Variants in SLC38A11 observed in about 807,000 individuals in gnomAD.
SLC38A11 encodes solute carrier family 38 member 11.
SLC38A11 carries 51 observed loss-of-function variants against 49.4 expected under a neutral mutation model. The observed-to-expected ratio is 1.03, with a 90% CI of 0.83 to 1.30. The LOEUF (loss-of-function observed/expected upper bound fraction) is 1.30, where lower values mean the gene tolerates loss of function less well. SLC38A11 is among the 50% of genes most tolerant of loss of function. The pLI is 0.00. For missense variants in SLC38A11, 574 were observed against 556.2 expected, an observed-to-expected ratio of 1.03 and a Z score of -0.32; for synonymous variants, 203 against 192.9, an observed-to-expected ratio of 1.05 and a Z score of -0.43.
chr2:164,931,442 C>CA (rs879622062), intron 7 of SLC38A11, among the ~76,000 whole-genome samples: 10 of 151,288 alleles, frequency 6.6e-5, no homozygotes, highest in Admixed American at 2.0e-4. Context: ...CACATGGGAC[C>CA]AAAAAAAAGC....
Position 164,955,333 on chromosome 2 carries a change from A to G in SLC38A11, c.-86T>C. ...GCCAGCCTCCTCCGCCACCTCGCAC[A>G]CAGCCGAGGTCCGCGTGTAGCCGCA... On this transcript the variant is annotated 5_prime_UTR_variant, in exon 1 of 12. Transcript: ENST00000685975. 1 of 1,294,900 alleles carries G rather than the reference A, an allele frequency of 7.7e-7. No homozygotes were observed. The highest frequency in any genetic ancestry group is 2.0e-5 in the Admixed American group (1 of 50,414). 80.2% of individuals were successfully genotyped at this position (1,294,900 alleles called of 1,614,324 possible). A position where few individuals can be genotyped will look rare whatever the true frequency, so the allele number is the denominator to read the frequency against.
intron 5 of SLC38A11, among the ~76,000 whole-genome samples, chr2:164,941,323 C>G (rs1034384680): frequency 1.3e-5 from 2 of 151,940 alleles, no homozygotes; most frequent in Non-Finnish European, 2.9e-5. Flanking sequence ...TTTTGGCTAC[C>G]AGAGAAAAGT....
intron 7 of SLC38A11, among the ~76,000 whole-genome samples, chr2:164,936,642 A>G (rs1687392175): frequency 1.3e-5 from 2 of 152,166 alleles, no homozygotes; most frequent in Admixed American, 1.3e-4. Flanking sequence ...TTTAAAGCCA[A>G]TCTAACCTGG....
At chr2:164,920,278 TAAAAAA>T (rs57519342) in intron 7 of SLC38A11, among the ~76,000 whole-genome samples, 1 of 133,982 alleles carries the variant, frequency 7.5e-6, no homozygotes, top group African/African-American at 2.8e-5. Context: ...AAGACTCCGT[TAAAAAA>T]AAAAAAAAAA....
intron 7 of SLC38A11, chr2:164,922,259 T>C (rs1021329362): frequency 3.9e-5 from 6 of 152,156 alleles, no homozygotes; most frequent in African/African-American, 1.2e-4. Context: ...CTTTCAAATA[T>C]ACAATTCCGG....
intron 7 of SLC38A11, chr2:164,922,158 C>T (rs1686246798): frequency 6.6e-6 from 1 of 152,138 alleles, no homozygotes; most frequent in African/African-American, 2.4e-5. Context: ...TAAAAAGGAG[C>T]CTCAGAACTT....
intron 7 of SLC38A11, among the ~76,000 whole-genome samples, chr2:164,929,678 A>C (rs1385270018): frequency 1.3e-5 from 2 of 152,156 alleles, no homozygotes; most frequent in African/African-American, 2.4e-5. Flanking sequence ...AATAGGACTA[A>C]CCTTGAACTT....
intron 8 of SLC38A11, chr2:164,915,571 C>T (rs1284989921): frequency 7.2e-6 from 3 of 416,222 alleles, no homozygotes; most frequent in Non-Finnish European, 1.3e-5. Context: ...TTTTTCCCAT[C>T]GTTTTCATCC....
intron 11 of SLC38A11, among the ~76,000 whole-genome samples, chr2:164,905,402 G>A (rs1684930942): frequency 6.6e-6 from 1 of 152,104 alleles, no homozygotes; most frequent in Admixed American, 6.6e-5. Flanking sequence ...AAAGTGCTGG[G>A]ATTACAGGCA....
Position 164,939,534 on chromosome 2 carries a change from A to G in SLC38A11, c.453T>C (p.Ile151=). The G allele has an allele frequency of 6.2e-7, 1 of 1,609,714 alleles. No homozygotes were observed. The highest frequency in any genetic ancestry group is 8.5e-7 in the Non-Finnish European group (1 of 1,177,134). ...AAAGTCCAATAATGAAGTGGCGACC[A>G]ATAAACACGTTTTCAGGATCAACTA... ...IPGVDPENVF[I]GRHFIIGLST... is the part of the protein sequence containing the mutation. Residue 151 remains isoleucine, a synonymous_variant, in exon 6 of 12, where the codon ATT becomes ATC. Transcript: ENST00000685975.
chr2:164,929,548 C>T (rs141076663), intron 7 of SLC38A11, among the ~76,000 whole-genome samples: 298 of 152,156 alleles, frequency 2.0e-3, no homozygotes, highest in African/African-American at 6.4e-3. Flanking sequence ...ATTGCTGCTA[C>T]CATCTTTCAG....
rs62175635 is a variant in SLC38A11 at position 164,950,958 on chromosome 2, A to G, written c.229+1749T>C. 4.8e-3 allele frequency among the ~76,000 whole-genome samples: 724 copies of G among 152,160 alleles called. 2 individuals carry two copies. Among genetic ancestry groups the G allele is most frequent in the Middle Eastern group, 0.01 (3 of 294 alleles). On this transcript the variant is annotated intron_variant, in intron 3 of 11. Transcript: ENST00000685975. ...TCAGCCTATATTTTTTTTCACTTTT[A>G]TGTGGTCATCCTTTATTTATCAGTT...
chr2:164,901,120 A>T (rs773267604), intron 11 of SLC38A11, among the ~76,000 whole-genome samples: 1 of 151,550 alleles, frequency 6.6e-6, no homozygotes, highest in Non-Finnish European at 1.5e-5. Flanking sequence ...ATATGTTTGG[A>T]TTTATTTCTT....
chr2:164,911,719 C>A lies in SLC38A11; in HGVS notation c.880G>T (p.Asp294Tyr). Residue 294 changes from aspartate (D) to tyrosine (Y), a missense_variant, in exon 10 of 12, where the codon GAT becomes TAT. Asp to Tyr is a radical substitution (Grantham distance 160). Coordinates refer to ENST00000685975, the MANE Select transcript of SLC38A11 (RefSeq NM_001351537.2). ...AATCTTCCAAATGTTACCAGGTCAT[C>A]ATTTCTGCAGTAATTTTCAAATAAG... ...GDLFENYCRNDDLVTFGRFCY... is the reference protein window; with the variant it reads ...GDLFENYCRNYDLVTFGRFCY... 6.2e-7 allele frequency: 1 copy of A among 1,605,196 alleles called. No homozygotes were observed.
At chr2:164,946,877 A>G (rs890741340) in intron 3 of SLC38A11, among the ~76,000 whole-genome samples, 2 of 152,052 alleles carry the variant, frequency 1.3e-5, no homozygotes, top group African/African-American at 2.4e-5. Flanking sequence ...AGGATCATCA[A>G]TGTTCTCCAA....
intron 8 of SLC38A11, 79 bp from the exon 9 acceptor site, chr2:164,915,352 A>T: frequency 7.8e-7 from 1 of 1,277,172 alleles, no homozygotes; most frequent in South Asian, 1.5e-5. Flanking sequence ...AGAGATATAT[A>T]CTACTTTAGA....
intron 7 of SLC38A11, among the ~76,000 whole-genome samples, chr2:164,923,610 C>T (rs770512260): frequency 1.4e-4 from 21 of 151,854 alleles, no homozygotes; most frequent in South Asian, 4.2e-4. Context: ...GCCTGGGCAA[C>T]GTAACTGGGA....
intron 8 of SLC38A11, 123 bp from the exon 9 acceptor site, chr2:164,915,396 A>C: frequency 1.3e-6 from 1 of 788,826 alleles, no homozygotes; most frequent in Non-Finnish European, 1.9e-6. Context: ...ATACAACTTT[A>C]TTAATATGTC....
intron 7 of SLC38A11, among the ~76,000 whole-genome samples, chr2:164,922,501 G>T (rs1235350485): frequency 6.6e-6 from 1 of 151,994 alleles, no homozygotes; most frequent in Non-Finnish European, 1.5e-5. Flanking sequence ...CAAAACCTTG[G>T]TTTACATTAA....
Sources: gnomAD v4.1 joint callset for allele counts (sites outside exome capture counted in the v4.1 genomes callset) on GRCh38, gnomAD v4.1.1 for gene constraint, MANE v1.5 for transcripts, NCBI Gene and HGNC (gene_info 2026-07-23, HGNC 2026-07-21) for gene names.